The following PCGF3 variants were observed in gnomAD, a reference collection of about 807,000 sequenced individuals.
PCGF3 encodes the protein polycomb group ring finger 3.
Under a neutral mutation model 33.1 loss-of-function variants are expected in PCGF3, and 7 were observed. That is an observed-to-expected ratio of 0.21 (90% CI 0.12 to 0.40). The LOEUF (loss-of-function observed/expected upper bound fraction) is 0.40, where lower values mean the gene tolerates loss of function less well. Among genes scored for constraint, PCGF3 ranks in the 10% least tolerant of loss-of-function variants. The pLI, the probability that PCGF3 is intolerant of heterozygous loss-of-function variation, is 1.00. For missense variants in PCGF3, 211 were observed against 313.3 expected (o/e 0.67, Z 2.46); for synonymous variants, 153 against 121.3 (o/e 1.26, Z -1.72).
intron 6 of PCGF3, among the ~76,000 whole-genome samples, chr4:739,821 C>G (rs1447861144): frequency 1.3e-5 from 2 of 152,222 alleles, no homozygotes; most frequent in African/African-American, 2.4e-5. Context: ...GCTGCCAACT[C>G]CACTCTACGT....
intron 1 of PCGF3, among the ~76,000 whole-genome samples, chr4:725,926 A>G (rs4690295): frequency 0.24 from 36,624 of 152,090 alleles, 5,014 homozygotes; most frequent in South Asian, 0.36. Context: ...CAGGAGCCCC[A>G]GGGCCACTCT....
At chr4:732,283 G>C (rs1241561821) in intron 3 of PCGF3, 1 of 152,856 alleles carries the variant, frequency 6.5e-6, no homozygotes, top group Non-Finnish European at 1.4e-5. Flanking sequence ...CAGGGCGCGG[G>C]GTGGGGCTCC....
chr4:769,514 G>A (rs768609319), exon 11 of PCGF3: 1 of 152,652 alleles, frequency 6.6e-6, no homozygotes, highest in Non-Finnish European at 1.5e-5. Context: ...TCTCTGCCTT[G>A]ACATTTAAAT....
intron 5 of PCGF3, 48 bp from the exon 6 acceptor site, chr4:737,418 A>G (rs1229463048): frequency 8.1e-7 from 1 of 1,230,042 alleles, no homozygotes; most frequent in African/African-American, 1.5e-5. Flanking sequence ...TACAAGAATT[A>G]TAGAATTAAC....
chr4:742,743 C>T (rs1282369564), intron 6 of PCGF3, among the ~76,000 whole-genome samples: 2 of 152,208 alleles, frequency 1.3e-5, no homozygotes, highest in Non-Finnish European at 2.9e-5. Context: ...ATGCTGCGGC[C>T]CGTCTGCCGC....
At chr4:714,334 A>G (rs1054416007) in intron 1 of PCGF3, among the ~76,000 whole-genome samples, 6 of 152,128 alleles carry the variant, frequency 3.9e-5, no homozygotes, top group Admixed American at 6.5e-5. Flanking sequence ...GTTCGGCCGC[A>G]TTTGCTTCCT....
At chr4:754,183 C>T (rs1258228576) in intron 8 of PCGF3, among the ~76,000 whole-genome samples, 1 of 152,184 alleles carries the variant, frequency 6.6e-6, no homozygotes, top group Non-Finnish European at 1.5e-5. Context: ...GCTCCTATAC[C>T]CTGAGCAGGC....
chr4:720,820 G>GGCTCT lies in PCGF3; in HGVS notation c.-189-9806_-189-9802dup, dbSNP rs893644176. Among the ~76,000 whole-genome samples, 9 of 152,294 alleles carry GGCTCT rather than the reference G, an allele frequency of 5.9e-5. No individual in the cohort carries two copies. Among genetic ancestry groups the GGCTCT allele is most frequent in the Middle Eastern group, 3.4e-3 (1 of 294 alleles). On this transcript the variant is annotated intron_variant, in intron 1 of 10. Transcript: ENST00000362003. This position sits in a 1 kb window ranked among gnomAD's most constrained non-coding sequence, Gnocchi z 5.6. ...GCATGGGAAGCAGAGGGTGAGGCTCGGCTCTGCTGTCAGGAGGACATGTCA... is the reference window on the plus strand; with the variant it reads ...GCATGGGAAGCAGAGGGTGAGGCTCGGCTCTGCTCTGCTGTCAGGAGGACATGTCA...
At position 765,108 on chromosome 4, in the gene PCGF3, G is replaced by A. The variant is rs1288644956; in HGVS notation, c.681+44G>A. 2.2e-6 allele frequency: 3 copies of A among 1,366,330 alleles called. No individual in the cohort carries two copies. In the African/African-American group the frequency reaches 4.3e-5, roughly 19 times the overall value. The allele number at this position is 1,366,330 out of a possible 1,614,324, so 84.6% of individuals were successfully genotyped here. Reference sequence around the variant, plus strand: ...TTTTCAGAGTCTGCTCTGAATGGCAGTGACTTTGCTGTGCATCTCTTATCT... The same window carrying A: ...TTTTCAGAGTCTGCTCTGAATGGCAATGACTTTGCTGTGCATCTCTTATCT... On this transcript the variant is annotated intron_variant, in intron 10 of 10. Transcript: ENST00000362003.
chr4:761,862 C>A (rs1260380797), intron 9 of PCGF3: 12 of 985,392 alleles, frequency 1.2e-5, no homozygotes, highest in Non-Finnish European at 1.4e-5. Context: ...CCCTGTGAGC[C>A]CCCAAGGCAG....
chr4:714,321 G>T (rs1486859828), intron 1 of PCGF3, among the ~76,000 whole-genome samples: 1 of 152,186 alleles, frequency 6.6e-6, no homozygotes, highest in Non-Finnish European at 1.5e-5. Context: ...CCCACTCGTG[G>T]CCGTTCGGCC....
Position 709,182 on chromosome 4 carries a change from G to A in PCGF3, c.-190+3212G>A, listed in dbSNP as rs139367565. Among the ~76,000 whole-genome samples, 1,438 of 152,244 alleles carry A rather than the reference G, an allele frequency of 9.4e-3. 24 individuals carry two copies. The highest frequency in any genetic ancestry group is 0.032 in the African/African-American group (1,335 of 41,504). On this transcript the variant is annotated intron_variant, in intron 1 of 10. Coordinates refer to ENST00000362003, the Ensembl canonical transcript of PCGF3. The stretch of plus-strand genomic sequence containing the variant: ...GTGCCGTGTGGCTGCTTGGTGTGCC[G>A]TACATTCCCCAAAAGAGTGAATGAT...
intron 8 of PCGF3, among the ~76,000 whole-genome samples, chr4:756,829 C>T (rs762129439): frequency 1.3e-5 from 2 of 152,106 alleles, no homozygotes; most frequent in African/African-American, 4.8e-5. Flanking sequence ...AGGGGCCTGC[C>T]GGGGGCTCTG....
intron 1 of PCGF3, among the ~76,000 whole-genome samples, chr4:724,414 T>C (rs1477622678): frequency 6.6e-6 from 1 of 152,254 alleles, no homozygotes; most frequent in African/African-American, 2.4e-5. Flanking sequence ...ACAGCGGTGC[T>C]GTGGGGGCCA....
intron 8 of PCGF3, among the ~76,000 whole-genome samples, chr4:752,692 G>A (rs4549331): frequency 0.042 from 6,319 of 152,202 alleles, 459 homozygotes; most frequent in African/African-American, 0.14. Flanking sequence ...CATGGACTTC[G>A]ACCCCTGTGT....
chr4:762,128 T>C (rs537017594), intron 9 of PCGF3: 112 of 976,052 alleles, frequency 1.1e-4, no homozygotes, highest in Non-Finnish European at 1.2e-4. Flanking sequence ...CCCCAGAAGA[T>C]AAGCCACATC....
At chr4:727,071 A>G (rs533694373) in intron 1 of PCGF3, among the ~76,000 whole-genome samples, 1 of 152,094 alleles carries the variant, frequency 6.6e-6, no homozygotes, top group East Asian at 1.9e-4. Context: ...GCTCACTCTC[A>G]CTGCCGAGCC....
chr4:736,269 A>T (rs1194917463), intron 5 of PCGF3, among the ~76,000 whole-genome samples: 1 of 152,114 alleles, frequency 6.6e-6, no homozygotes, highest in African/African-American at 2.4e-5. Flanking sequence ...GCTGGTTTCA[A>T]ACTCCTGATC....
chr4:765,090 A>C lies in PCGF3; in HGVS notation c.681+26A>C, dbSNP rs372353437. The C allele has an allele frequency of 7.5e-5, 114 of 1,525,096 alleles. 1 individual carries two copies. The highest frequency in any genetic ancestry group is 9.8e-5 in the Non-Finnish European group (108 of 1,099,252). The allele number at this position is 1,525,096 out of a possible 1,614,324, so 94.5% of individuals were successfully genotyped here. A position where few individuals can be genotyped will look rare whatever the true frequency, so the allele number is the denominator to read the frequency against. ...GTGAGACACGTGATTTGATTTTCAGAGTCTGCTCTGAATGGCAGTGACTTT... is the reference window on the plus strand; with the variant it reads ...GTGAGACACGTGATTTGATTTTCAGCGTCTGCTCTGAATGGCAGTGACTTT... On this transcript the variant is annotated intron_variant, in intron 10 of 10. Coordinates refer to ENST00000362003, the Ensembl canonical transcript of PCGF3.
Sources: allele counts gnomAD v4.1 joint callset (sites outside exome capture counted in the v4.1 genomes callset), GRCh38; gene constraint gnomAD v4.1.1; non-coding constraint Gnocchi (gnomAD v3.1); transcripts MANE v1.5; gene names NCBI Gene and HGNC (gene_info 2026-07-23, HGNC 2026-07-21).